LRRK1: variants seen among roughly 807,000 people sequenced by gnomAD.
The protein encoded by LRRK1 is leucine rich repeat kinase 1.
Under a neutral mutation model 209.1 loss-of-function variants are expected in LRRK1, and 113 were observed. That is an observed-to-expected ratio of 0.54 (90% confidence interval 0.46 to 0.63). The LOEUF is 0.63. Ranked by LOEUF, LRRK1 falls within the 30% of genes least tolerant of loss-of-function variation. The pLI, the probability that LRRK1 is intolerant of heterozygous loss-of-function variation, is 0.00. For missense variants in LRRK1, 2,284 were observed against 2,632.2 expected (o/e 0.87, Z 2.89); for synonymous variants, 1,144 against 1,099.7 (o/e 1.04, Z -0.80).
intron 28 of LRRK1, 55 bp downstream of exon 28, chr15:101,057,105 G>A: frequency 1.3e-6 from 2 of 1,487,164 alleles, no homozygotes; most frequent in South Asian, 2.7e-5. Flanking sequence ...TGAGGAAGCT[G>A]TGGGTCCCCA....
intron 2 of LRRK1, among the ~76,000 whole-genome samples, chr15:100,959,930 G>A (rs952727286): frequency 2.0e-5 from 3 of 152,066 alleles, no homozygotes; most frequent in Non-Finnish European, 4.4e-5. Flanking sequence ...CATCCTAAAT[G>A]TTCCTTTCAG....
chr15:100,950,187 G>A (rs1446573591), intron 2 of LRRK1, among the ~76,000 whole-genome samples: 1 of 152,054 alleles, frequency 6.6e-6, no homozygotes, highest in Non-Finnish European at 1.5e-5. Flanking sequence ...ATCAATTGTG[G>A]TTGTATGAAT....
At chr15:100,973,706 A>G in intron 2 of LRRK1, 98 bp from the exon 3 acceptor site, 2 of 1,168,644 alleles carry the variant, frequency 1.7e-6, no homozygotes, top group Non-Finnish European at 2.2e-6. Context: ...GCGATCGTGC[A>G]ACGGGCCGCG....
chr15:100,970,463 G>C (rs530060462), intron 2 of LRRK1, among the ~76,000 whole-genome samples: 1 of 152,162 alleles, frequency 6.6e-6, no homozygotes, highest in Admixed American at 6.5e-5. Flanking sequence ...ACAAGCACAG[G>C]TCTATTTTTC....
intron 3 of LRRK1, among the ~76,000 whole-genome samples, chr15:100,980,002 C>T (rs963772682): frequency 6.6e-6 from 1 of 152,122 alleles, no homozygotes; most frequent in Non-Finnish European, 1.5e-5. Context: ...GGTACAATCA[C>T]GCTGGAAACT....
In LRRK1 at chr15:101,025,833, C is replaced by T. The variant is rs1196197506; in HGVS notation, c.2233-132C>T. 4.5e-6 allele frequency: 4 copies of T among 892,940 alleles called. No homozygotes were observed. In the East Asian group the frequency reaches 1.0e-4, roughly 22 times the overall value. The allele number at this position is 892,940 out of a possible 1,614,324, so 55.3% of individuals were successfully genotyped here. On this transcript the variant is annotated intron_variant, in intron 16 of 33. Transcript: ENST00000388948. ...GAGGAGGCAAACATCCAAACCGTCTCAAGGCTGCAGATTGGTGGCTGAGCA... is the reference window on the plus strand; with the variant it reads ...GAGGAGGCAAACATCCAAACCGTCTTAAGGCTGCAGATTGGTGGCTGAGCA...
chr15:100,950,965 T>C (rs71409320), intron 2 of LRRK1, among the ~76,000 whole-genome samples: 14,734 of 152,036 alleles, frequency 0.097, 798 homozygotes, highest in Non-Finnish European at 0.13. Flanking sequence ...TAGCCGGGCG[T>C]GGTGGCGGGC....
At chr15:101,058,191 C>T (rs56014536) in intron 29 of LRRK1, 50 bp downstream of exon 29, 20,262 of 1,584,678 alleles carry the variant, frequency 0.013, 177 homozygotes, top group Non-Finnish European at 0.014. Flanking sequence ...GGTGGGAGGC[C>T]GCCGTGGAAT....
chr15:100,956,455 C>CTTTTCTTTTTTTTTT (rs2042760510), intron 2 of LRRK1, among the ~76,000 whole-genome samples: 13 of 60,524 alleles, frequency 2.1e-4, no homozygotes, highest in African/African-American at 7.7e-4. Context: ...TTTTTTTTTT[C>CTTTTCTTTTTTTTTT]TTTTTTTTTT....
intron 24 of LRRK1, 85 bp downstream of exon 24, chr15:101,052,045 A>G (rs2035485892): frequency 6.6e-7 from 1 of 1,516,470 alleles, no homozygotes; most frequent in Non-Finnish European, 8.9e-7. Flanking sequence ...ATCTCCAGGA[A>G]GACCCCTCTG....
chr15:100,958,087 C>G (rs150876788), intron 2 of LRRK1, among the ~76,000 whole-genome samples: 3 of 152,148 alleles, frequency 2.0e-5, no homozygotes, highest in African/African-American at 4.8e-5. Context: ...AACTCCTGAC[C>G]GCAAGTGATC....
chr15:100,974,247 C>T, intron 3 of LRRK1: 1 of 336,012 alleles, frequency 3.0e-6, no homozygotes, highest in Non-Finnish European at 5.3e-6. Flanking sequence ...CACCCAGAGG[C>T]TTAACCTACT....
Position 101,049,632 on chromosome 15 carries a change from T to C in LRRK1, c.3300-12T>C, listed in dbSNP as rs779141790. The C allele has an allele frequency of 6.2e-7, 1 of 1,612,506 alleles. No individual in the cohort carries two copies. Among genetic ancestry groups the C allele is most frequent in the Non-Finnish European group, 8.5e-7 (1 of 1,179,228 alleles). ...AGATCGCAATGGGCTCCTTTTGGTC[T>C]CTGGATTGCAGTGTGGAATCTTCCG... On this transcript the variant is annotated splice_polypyrimidine_tract_variant and intron_variant, in intron 22 of 33. Transcript: ENST00000388948.
chr15:101,068,350 C>T (rs773054865), intron 33 of LRRK1, among the ~76,000 whole-genome samples: 3 of 152,106 alleles, frequency 2.0e-5, no homozygotes, highest in African/African-American at 4.8e-5. Context: ...GTGGTGTTTT[C>T]TGGACGCTTT....
intron 28 of LRRK1, among the ~76,000 whole-genome samples, chr15:101,057,558 C>T (rs2035882795): frequency 6.6e-6 from 1 of 152,168 alleles, no homozygotes; most frequent in African/African-American, 2.4e-5. Context: ...TAGAAGAACG[C>T]ATGTCCTTAT....
chr15:100,955,455 T>C (rs1192950822), intron 2 of LRRK1, among the ~76,000 whole-genome samples: 2 of 152,200 alleles, frequency 1.3e-5, no homozygotes, highest in Non-Finnish European at 2.9e-5. Flanking sequence ...CAGAGACCAA[T>C]TGACTTCTTC....
chr15:100,928,038 G>A (rs1233603058), intron 2 of LRRK1, among the ~76,000 whole-genome samples: 3 of 152,254 alleles, frequency 2.0e-5, no homozygotes, highest in African/African-American at 4.8e-5. Context: ...TGCTGGGATT[G>A]CAGTCACTGT....
intron 2 of LRRK1, among the ~76,000 whole-genome samples, chr15:100,941,446 C>CTCTGTGTG (rs2042428463): frequency 9.7e-5 from 7 of 72,520 alleles, no homozygotes; most frequent in South Asian, 4.1e-4. Context: ...GTGTGTGTGT[C>CTCTGTGTG]TGTGTGTGTC....
chr15:101,042,118 C>T (rs930950357), intron 20 of LRRK1, among the ~76,000 whole-genome samples: 3 of 152,232 alleles, frequency 2.0e-5, no homozygotes, highest in Admixed American at 1.3e-4. Context: ...TTGATTGTTT[C>T]TGGTGCTCTT....
Sources: gnomAD v4.1 joint callset for allele counts (sites outside exome capture counted in the v4.1 genomes callset) on GRCh38, gnomAD v4.1.1 for gene constraint, MANE v1.5 for transcripts, NCBI Gene and HGNC (gene_info 2026-07-23, HGNC 2026-07-21) for gene names.